Variants in XPNPEP2 observed in about 807,000 individuals in gnomAD.
XPNPEP2 encodes X-prolyl aminopeptidase 2.
XPNPEP2 carries 64 observed loss-of-function variants against 59.8 expected under a neutral mutation model. The observed-to-expected ratio is 1.07, with a 90% confidence interval of 0.87 to 1.32. XPNPEP2 has a LOEUF of 1.32. XPNPEP2 is among the 40% of genes most tolerant of loss of function. The pLI is 0.00. For missense variants in XPNPEP2, 575 were observed against 546.8 expected, an observed-to-expected ratio of 1.05 and a Z score of -0.51; for synonymous variants, 235 against 210.0, an observed-to-expected ratio of 1.12 and a Z score of -1.03.
At position 129,753,167 on chromosome X, in the gene XPNPEP2, C is replaced by T. The variant is rs1046692998; in HGVS notation, c.1026C>T (p.Leu342=). 52 of 1,209,072 alleles carry T rather than the reference C, an allele frequency of 4.3e-5. No individual in the cohort carries two copies. Among genetic ancestry groups the T allele is most frequent in the Non-Finnish European group, 5.4e-5 (48 of 894,714 alleles). The change falls in exon 11 of 21, where the codon CTC becomes CTT. Residue 342 remains leucine (L), a synonymous_variant. Coordinates refer to ENST00000371106, the MANE Select transcript of XPNPEP2 (RefSeq NM_003399.6). ...CTCCCTGCCCCCAACAGGAGAAACTCGTGACAGACACCTACTCCCCAGTGA... is the reference window on the plus strand; with the variant it reads ...CTCCCTGCCCCCAACAGGAGAAACTTGTGACAGACACCTACTCCCCAGTGA... The part of the protein sequence containing the change: ...GIYEMIPKEK[L]VTDTYSPVMM...
intron 19 of XPNPEP2, among the ~76,000 whole-genome samples, chrX:129,763,341 T>C (rs965858738): frequency 1.1e-4 from 12 of 112,080 alleles, no homozygotes; most frequent in African/African-American, 3.9e-4. Flanking sequence ...TTTGTAAAAA[T>C]AAACATGCGA....
At chrX:129,741,961 T>G in intron 1 of XPNPEP2, 147 bp from the exon 2 acceptor site, 1 of 475,352 alleles carries the variant, frequency 2.1e-6, no homozygotes. Context: ...CTATGAAATG[T>G]GATTATTTTT....
At position 129,748,913 on chromosome X, in the gene XPNPEP2, G is replaced by A. The variant is rs141413402; in HGVS notation, c.637+1160G>A. Among the ~76,000 whole-genome samples the A allele has an allele frequency of 5.2e-3, 583 of 111,346 alleles. 3 individuals are homozygous for A. Among genetic ancestry groups the A allele is most frequent in the African/African-American group, 0.018 (556 of 30,573 alleles). Reference sequence around the variant, plus strand: ...CACCTGGAGCTTGAGTTTGGAAGCCGAAGAACAGAGTTCAGCTTCAATAAG... The same window carrying A: ...CACCTGGAGCTTGAGTTTGGAAGCCAAAGAACAGAGTTCAGCTTCAATAAG... On this transcript the variant is annotated intron_variant, in intron 7 of 20. Coordinates refer to ENST00000371106, the MANE Select transcript of XPNPEP2 (RefSeq NM_003399.6).
chrX:129,757,895 GAAAGAAAGAAAGAAAGAA>G (rs1310348512), intron 14 of XPNPEP2, among the ~76,000 whole-genome samples: 19 of 13,776 alleles, frequency 1.4e-3, no homozygotes, highest in East Asian at 5.2e-3. Context: ...GAGAGAGAGA[GAAAGAAAGAAAGAAAGAA>G]AGAAAGAAAG....
intron 19 of XPNPEP2, among the ~76,000 whole-genome samples, chrX:129,764,969 AAAG>A (rs1360921549): frequency 8.9e-6 from 1 of 112,065 alleles, no homozygotes; most frequent in African/African-American, 3.2e-5. Context: ...GTCTCTAAAA[AAAG>A]AAGAAGGAAA....
At chrX:129,761,887 G>A (rs1926662873) in intron 17 of XPNPEP2, 119 bp from the exon 18 acceptor site, 1 of 678,608 alleles carries the variant, frequency 1.5e-6, no homozygotes, top group Non-Finnish European at 2.4e-6. Flanking sequence ...TGATGTGATG[G>A]ACCTGTGCTC....
In XPNPEP2 at chrX:129,747,770, A is replaced by G. The variant is rs1283887591; in HGVS notation, c.637+17A>G. ...CATTCACAGGTGATTCAGTAAGCCC[A>G]GTTTCCTTCCCAACTTGTAGCAACG... is the stretch of plus-strand genomic sequence containing the variant. On this transcript the variant is annotated intron_variant, in intron 7 of 20. Coordinates refer to ENST00000371106, the MANE Select transcript of XPNPEP2 (RefSeq NM_003399.6). 5 of 1,210,318 alleles carry G rather than the reference A, an allele frequency of 4.1e-6. No individual in the cohort carries two copies. In the African/African-American group the frequency reaches 8.7e-5, roughly 21 times the overall value.
chrX:129,741,814 C>T (rs950234299), intron 1 of XPNPEP2, among the ~76,000 whole-genome samples: 2 of 112,141 alleles, frequency 1.8e-5, no homozygotes, highest in South Asian at 7.4e-4. Flanking sequence ...TTCACTAAAC[C>T]CTGAAAAGAC....
intron 8 of XPNPEP2, among the ~76,000 whole-genome samples, chrX:129,750,829 G>T (rs1246684273): frequency 8.9e-6 from 1 of 112,336 alleles, no homozygotes; most frequent in African/African-American, 3.2e-5. Flanking sequence ...GACTATGGCA[G>T]CAAAGTGCTT....
intron 5 of XPNPEP2, 120 bp from the exon 6 acceptor site, chrX:129,746,475 C>A: frequency 1.1e-6 from 1 of 946,166 alleles, no homozygotes; most frequent in East Asian, 3.1e-5. Context: ...CCATCACTGA[C>A]TTTCAAGGCT....
intron 14 of XPNPEP2, among the ~76,000 whole-genome samples, chrX:129,757,916 AAAG>A (rs1926581165): frequency 3.1e-5 from 3 of 97,578 alleles, no homozygotes; most frequent in African/African-American, 1.1e-4. Flanking sequence ...AGAAAGAAAG[AAAG>A]AAAGAAAGAA....
At chrX:129,744,853 G>A (rs1476033064) in intron 3 of XPNPEP2, among the ~76,000 whole-genome samples, 1 of 111,993 alleles carries the variant, frequency 8.9e-6, no homozygotes, top group Non-Finnish European at 1.9e-5. Flanking sequence ...TTAGCTGGAG[G>A]GGAAAACCCA....
chrX:129,762,168 A>T (rs1926668930), intron 18 of XPNPEP2, 103 bp downstream of exon 18: 4 of 894,529 alleles, frequency 4.5e-6, no homozygotes, highest in Non-Finnish European at 6.5e-6. Context: ...CACAGCAGGC[A>T]CTAGTACAGC....
chrX:129,749,800 C>T (rs1256406307), intron 7 of XPNPEP2, among the ~76,000 whole-genome samples: 1 of 112,900 alleles, frequency 8.9e-6, no homozygotes, highest in Non-Finnish European at 1.9e-5. Flanking sequence ...AGAGCGTGGG[C>T]CATGCAGTCA....
intron 12 of XPNPEP2, 106 bp downstream of exon 12, chrX:129,754,687 C>A: frequency 2.7e-6 from 2 of 751,219 alleles, no homozygotes; most frequent in Non-Finnish European, 3.9e-6. Context: ...AGATCCTCCT[C>A]ATATGCGTGC....
At chrX:129,753,459 A>G (rs1865311017) in intron 11 of XPNPEP2, among the ~76,000 whole-genome samples, 1 of 111,224 alleles carries the variant, frequency 9.0e-6, no homozygotes, top group African/African-American at 3.3e-5. Context: ...CCTGGCCAAC[A>G]TGGTGAAGCC....
In XPNPEP2 at chrX:129,751,587, AAAGAAAGAAAGGAAGG is replaced by A. The variant is rs1343752150; in HGVS notation, c.740-154_740-139del. On this transcript the variant is annotated intron_variant, in intron 8 of 20. Transcript: ENST00000371106. ...GAAAGAAAGAAAGAAAGAAAGAAAG[AAAGAAAGAAAGGAAGG>A]AAGGAAGGAAGGAAGGAAGGAAGGA... 3.9e-3 allele frequency among the ~76,000 whole-genome samples: 256 copies of A among 66,031 alleles called. 2 individuals carry two copies. The highest frequency in any genetic ancestry group is 0.01 in the African/African-American group (153 of 15,018). The allele number at this position is 66,031 out of a possible 115,157, so 57.3% of individuals were successfully genotyped here.
rs1200042194 is a variant in XPNPEP2, at chrX:129,751,591, AAAGAAAGGAAGGAAGG to A, written c.740-150_740-135del. ...GAAAGAAAGAAAGAAAGAAAGAAAGAAAGAAAGGAAGGAAGGAAGGAAGGAAGGAAGGAAGGAAGGA... is the reference window on the plus strand; with the variant it reads ...GAAAGAAAGAAAGAAAGAAAGAAAGAAAGGAAGGAAGGAAGGAAGGAAGGA... On this transcript the variant is annotated intron_variant, in intron 8 of 20. Coordinates refer to ENST00000371106, the MANE Select transcript of XPNPEP2 (RefSeq NM_003399.6). Among the ~76,000 whole-genome samples, 359 of 54,682 alleles carry A rather than the reference AAAGAAAGGAAGGAAGG, an allele frequency of 6.6e-3. 2 individuals are homozygous for A. Among genetic ancestry groups the A allele is most frequent in the African/African-American group, 0.024 (309 of 12,861 alleles). 47.5% of individuals were successfully genotyped at this position (54,682 alleles called of 115,157 possible).
chrX:129,759,315 T>C (rs1253525215), intron 15 of XPNPEP2, 75 bp downstream of exon 15: 3 of 1,149,744 alleles, frequency 2.6e-6, no homozygotes, highest in Non-Finnish European at 3.6e-6. Flanking sequence ...CCCTTCCATT[T>C]CAGAGGCTAA....
Sources: gnomAD v4.1 joint callset for allele counts (sites outside exome capture counted in the v4.1 genomes callset) on GRCh38, gnomAD v4.1.1 for gene constraint, MANE v1.5 for transcripts, NCBI Gene and HGNC (gene_info 2026-07-23, HGNC 2026-07-21) for gene names.